Variants in RPS6KA5 observed in about 807,000 individuals in gnomAD.
The protein encoded by RPS6KA5 is ribosomal protein S6 kinase A5.
A neutral mutation model predicts 85.5 loss-of-function variants in RPS6KA5; 27 were observed. The ratio of observed to expected loss-of-function variants is 0.32; its 90% confidence interval spans 0.23 to 0.44. The LOEUF (loss-of-function observed/expected upper bound fraction) is 0.44, where lower values mean the gene tolerates loss of function less well. Ranked by LOEUF, RPS6KA5 falls within the 20% of genes least tolerant of loss-of-function variation. The probability of loss-of-function intolerance (pLI) is 1.00; values close to 1 mark genes in which losing one functional copy is unlikely to be tolerated. For synonymous variants in RPS6KA5, 334 were observed against 348.2 expected, an observed-to-expected ratio of 0.96 and a Z score of 0.46; for missense variants, 811 against 980.9, an observed-to-expected ratio of 0.83 and a Z score of 2.31.
chr14:91,005,931 G>A (rs755672555), intron 1 of RPS6KA5, among the ~76,000 whole-genome samples: 3 of 88,498 alleles, frequency 3.4e-5, no homozygotes, highest in Non-Finnish European at 6.6e-5. Context: ...CTCAGATGAT[G>A]TGGAGCTACC....
At chr14:91,018,360 G>A (rs1200030231) in intron 1 of RPS6KA5, among the ~76,000 whole-genome samples, 1 of 152,212 alleles carries the variant, frequency 6.6e-6, no homozygotes, top group African/African-American at 2.4e-5. Context: ...ATTGAAGGCT[G>A]CCTAGATAGC....
At chr14:91,051,533 G>T (rs1191655896) in intron 1 of RPS6KA5, among the ~76,000 whole-genome samples, 1 of 151,980 alleles carries the variant, frequency 6.6e-6, no homozygotes, top group East Asian at 1.9e-4. Context: ...TTGTTGCCCA[G>T]GCTGGAATGC....
intron 11 of RPS6KA5, 143 bp downstream of exon 11, chr14:90,899,965 G>T: frequency 1.9e-6 from 1 of 525,486 alleles, no homozygotes; most frequent in Non-Finnish European, 3.1e-6. Context: ...AAAGTATAAT[G>T]GACCAACTGA....
chr14:91,005,639 G>T (rs2040986475), intron 1 of RPS6KA5, among the ~76,000 whole-genome samples: 1 of 152,200 alleles, frequency 6.6e-6, no homozygotes, highest in Non-Finnish European at 1.5e-5. Context: ...ATTTGAGCAT[G>T]TGAGTCTAGG....
chr14:90,982,293 A>G (rs1183775832), intron 2 of RPS6KA5, among the ~76,000 whole-genome samples: 1 of 152,122 alleles, frequency 6.6e-6, no homozygotes, highest in East Asian at 1.9e-4. Context: ...GGCAAAAAAA[A>G]AAAAAAGATA....
intron 2 of RPS6KA5, among the ~76,000 whole-genome samples, chr14:90,987,787 G>A (rs1465035735): frequency 6.6e-6 from 1 of 152,192 alleles, no homozygotes; most frequent in Non-Finnish European, 1.5e-5. Context: ...GACCAAGGTA[G>A]ACACAAATGG....
At chr14:90,990,920 A>AG (rs1255687659) in intron 2 of RPS6KA5, among the ~76,000 whole-genome samples, 1 of 152,168 alleles carries the variant, frequency 6.6e-6, no homozygotes, top group Non-Finnish European at 1.5e-5. Flanking sequence ...AACTACATAT[A>AG]GGGTACTATG....
chr14:90,964,914 C>CAAAAAAAAA, intron 3 of RPS6KA5, among the ~76,000 whole-genome samples: 1 of 70,652 alleles, frequency 1.4e-5, no homozygotes, highest in Non-Finnish European at 2.9e-5. Flanking sequence ...GACCCTGTCT[C>CAAAAAAAAA]AAAAAAAAAA....
Position 91,060,577 on chromosome 14 carries a change from T to C in RPS6KA5, c.-143A>G. ...ACTCGGACGCAAAGACGAGTCTCTT[T>C]CCCGCTCTGGCCGCACGGCTCGCTC... On this transcript the variant is annotated 5_prime_UTR_variant, in exon 1 of 17. Coordinates refer to ENST00000614987, the MANE Select transcript of RPS6KA5 (RefSeq NM_004755.4). 9.0e-7 allele frequency: 1 copy of C among 1,109,108 alleles called. No homozygotes were observed. The highest frequency in any genetic ancestry group is 3.3e-5 in the East Asian group (1 of 30,426). The allele number at this position is 1,109,108 out of a possible 1,614,324, so 68.7% of individuals were successfully genotyped here.
chr14:90,994,882 A>G (rs780259865), intron 2 of RPS6KA5, among the ~76,000 whole-genome samples: 8 of 150,814 alleles, frequency 5.3e-5, no homozygotes, highest in Non-Finnish European at 1.2e-4. Flanking sequence ...GGTGTTTGTA[A>G]TTTTTGATAG....
chr14:91,011,153 A>G (rs1394528834), intron 1 of RPS6KA5, among the ~76,000 whole-genome samples: 1 of 152,226 alleles, frequency 6.6e-6, no homozygotes, highest in East Asian at 1.9e-4. Context: ...ACAAAAATGT[A>G]TAAAAGAATG....
At chr14:90,886,481 G>A (rs148757657) in intron 14 of RPS6KA5, among the ~76,000 whole-genome samples, 64 of 152,240 alleles carry the variant, frequency 4.2e-4, no homozygotes, top group African/African-American at 1.4e-3. Context: ...GGGCCTTTAG[G>A]GAGGTAACTA....
intron 1 of RPS6KA5, among the ~76,000 whole-genome samples, chr14:91,037,733 T>G (rs1042985503): frequency 6.6e-6 from 1 of 152,228 alleles, no homozygotes. Flanking sequence ...ATCCCACCAG[T>G]GTATCCTAGG....
At position 90,875,336 on chromosome 14, in the gene RPS6KA5, G is replaced by T; in HGVS notation, c.1861C>A (p.Pro621Thr). 1 of 1,613,664 alleles carries T rather than the reference G, an allele frequency of 6.2e-7. No homozygotes were observed. Among genetic ancestry groups the T allele is most frequent in the South Asian group, 1.1e-5 (1 of 91,026 alleles). ...ILYTMLSGQV[P>T]FQSHDRSLTC... Reference sequence around the variant, plus strand: ...AAACTTCGGTCATGAGATTGGAAGGGAACCTGTCCTGACAACATTGTGTAC... The same window carrying T: ...AAACTTCGGTCATGAGATTGGAAGGTAACCTGTCCTGACAACATTGTGTAC... Residue 621 changes from proline (P) to threonine (T), a missense_variant, in exon 15 of 17, where the codon CCC becomes ACC. Physicochemically the swap from Pro to Thr is conservative, Grantham distance 38. Around this residue, in one of 3 missense-constraint regions of RPS6KA5, gnomAD observed 650 missense variants for 793.4 expected, o/e 0.82. Coordinates refer to ENST00000614987, the MANE Select transcript of RPS6KA5 (RefSeq NM_004755.4).
rs1001942679 is a variant in RPS6KA5 at position 90,927,035 on chromosome 14, GATAA to G, written c.619-3843_619-3840del. ...AAAATACTAAATAATATAAAAATTA[GATAA>G]ATAACTGAAGTTGAAGCATTCTAAC... is the stretch of plus-strand genomic sequence containing the variant. On this transcript the variant is annotated intron_variant, in intron 5 of 16. Coordinates refer to ENST00000614987, the MANE Select transcript of RPS6KA5 (RefSeq NM_004755.4). Among the ~76,000 whole-genome samples, 127 of 152,202 alleles carry G rather than the reference GATAA, an allele frequency of 8.3e-4. 1 individual carries two copies. Among genetic ancestry groups the G allele is most frequent in the African/African-American group, 2.8e-3 (116 of 41,570 alleles).
At chr14:90,886,068 C>G (rs1461057374) in intron 14 of RPS6KA5, among the ~76,000 whole-genome samples, 1 of 151,736 alleles carries the variant, frequency 6.6e-6, no homozygotes, top group Non-Finnish European at 1.5e-5. Flanking sequence ...ATAGCTCTAT[C>G]TCTACATAAA....
chr14:90,877,754 T>C (rs777495983), intron 14 of RPS6KA5, among the ~76,000 whole-genome samples: 2 of 152,156 alleles, frequency 1.3e-5, no homozygotes, highest in African/African-American at 2.4e-5. Flanking sequence ...GCCTAGAGTA[T>C]AACCCAGTTA....
At chr14:90,950,309 C>T (rs1261687009) in intron 3 of RPS6KA5, among the ~76,000 whole-genome samples, 4 of 152,034 alleles carry the variant, frequency 2.6e-5, no homozygotes, top group South Asian at 2.1e-4. Flanking sequence ...TATATTAGTT[C>T]GAGTAGTTTC....
rs1029468168 is a variant in RPS6KA5 at position 90,849,878 on chromosome 14, C to A, written c.*22196G>T. The A allele has an allele frequency of 6.6e-6, 1 of 152,264 alleles. No homozygotes were observed. The highest frequency in any genetic ancestry group is 2.4e-5 in the African/African-American group (1 of 41,446). The allele number at this position is 152,264 out of a possible 1,614,324, so 9.4% of individuals were successfully genotyped here. ...AATCAACACATTGTCTCACAGCTTTCTTACCTGGCAGCTGGCACCACATTA... is the reference window on the plus strand; with the variant it reads ...AATCAACACATTGTCTCACAGCTTTATTACCTGGCAGCTGGCACCACATTA... On this transcript the variant is annotated 3_prime_UTR_variant, in exon 17 of 17. Transcript: ENST00000614987.
Sources: allele counts gnomAD v4.1 joint callset (sites outside exome capture counted in the v4.1 genomes callset), GRCh38; gene constraint gnomAD v4.1.1; regional missense constraint gnomAD v4.1.1; transcripts MANE v1.5; gene names NCBI Gene and HGNC (gene_info 2026-07-23, HGNC 2026-07-21).